The following NALCN variants were observed in gnomAD, a reference collection of about 807,000 sequenced individuals.
NALCN encodes sodium leak channel, non-selective.
NALCN carries 111 observed loss-of-function variants against 225.3 expected under a neutral mutation model. That is an observed-to-expected ratio of 0.49 (90% confidence interval 0.42 to 0.58). The LOEUF (loss-of-function observed/expected upper bound fraction) is 0.58, where lower values mean the gene tolerates loss of function less well. NALCN is among the 20% of genes least tolerant of loss of function. The probability of loss-of-function intolerance (pLI) is 0.00; values close to 1 mark genes in which losing one functional copy is unlikely to be tolerated. For missense variants in NALCN, 1,378 were observed against 2,202.4 expected, an observed-to-expected ratio of 0.63 and a Z score of 7.49; for synonymous variants, 764 against 769.0, an observed-to-expected ratio of 0.99 and a Z score of 0.11.
intron 11 of NALCN, 133 bp from the exon 12 acceptor site, chr13:101,238,055 C>A: frequency 1.5e-6 from 1 of 663,128 alleles, no homozygotes; most frequent in Non-Finnish European, 2.5e-6. Context: ...TCAAGAATGA[C>A]ATTTTACTTT....
chr13:101,088,994 T>C (rs2034074731), intron 30 of NALCN, among the ~76,000 whole-genome samples: 1 of 151,750 alleles, frequency 6.6e-6, no homozygotes, highest in Non-Finnish European at 1.5e-5. Context: ...GCCTTCTAGG[T>C]TCAAACGATT....
At chr13:101,378,057 AT>A (rs1486326430) in intron 4 of NALCN, among the ~76,000 whole-genome samples, 1 of 152,058 alleles carries the variant, frequency 6.6e-6, no homozygotes, top group Non-Finnish European at 1.5e-5. Flanking sequence ...TAGACTTTAA[AT>A]TTTTAAGTTC....
chr13:101,397,520 T>C (rs2047346968), intron 2 of NALCN, among the ~76,000 whole-genome samples: 1 of 151,360 alleles, frequency 6.6e-6, no homozygotes, highest in Non-Finnish European at 1.5e-5. Flanking sequence ...ATATATGTTA[T>C]ATACACATGA....
chr13:101,153,065 T>A (rs959182147), intron 15 of NALCN, among the ~76,000 whole-genome samples: 10 of 152,138 alleles, frequency 6.6e-5, no homozygotes, highest in African/African-American at 2.2e-4. Flanking sequence ...CTCTTTTTTT[T>A]AATTTATAAA....
intron 7 of NALCN, among the ~76,000 whole-genome samples, chr13:101,313,435 C>T (rs1173394215): frequency 6.6e-6 from 1 of 152,000 alleles, no homozygotes; most frequent in African/African-American, 2.4e-5. Flanking sequence ...TGACAAACGG[C>T]TAATATCCAG....
At chr13:101,331,634 T>C (rs2045176148) in intron 7 of NALCN, among the ~76,000 whole-genome samples, 1 of 152,066 alleles carries the variant, frequency 6.6e-6, no homozygotes, top group African/African-American at 2.4e-5. Flanking sequence ...GTTTCCGTTG[T>C]TTAAAAGTGT....
intron 14 of NALCN, chr13:101,180,555 TCTCAACTCAGGGAAA>T (rs1566392196): frequency 6.2e-6 from 1 of 161,478 alleles, no homozygotes; most frequent in Non-Finnish European, 1.4e-5. Context: ...ATGTATTAGC[TCTCAACTCAGGGAAA>T]CTCAGAAAGG....
intron 15 of NALCN, among the ~76,000 whole-genome samples, chr13:101,162,615 T>G (rs1268544128): frequency 1.3e-5 from 2 of 152,216 alleles, no homozygotes; most frequent in Non-Finnish European, 2.9e-5. Flanking sequence ...CGCATAAAAC[T>G]GAAAACTGTC....
At chr13:101,255,981 C>T (rs2042216805) in intron 11 of NALCN, among the ~76,000 whole-genome samples, 1 of 152,124 alleles carries the variant, frequency 6.6e-6, no homozygotes, top group Non-Finnish European at 1.5e-5. Context: ...TCGCTCATTC[C>T]CCGTGACTTT....
At chr13:101,295,784 A>ACAAAGG (rs1415316530) in intron 7 of NALCN, among the ~76,000 whole-genome samples, 2 of 152,244 alleles carry the variant, frequency 1.3e-5, no homozygotes, top group African/African-American at 2.4e-5. Context: ...AGTAACAGTT[A>ACAAAGG]CAAAGGCAAA....
At chr13:101,409,957 G>A (rs1237980727) in intron 1 of NALCN, among the ~76,000 whole-genome samples, 1 of 152,128 alleles carries the variant, frequency 6.6e-6, no homozygotes, top group Non-Finnish European at 1.5e-5. Flanking sequence ...AGGTCATGAG[G>A]CCATGAAGGT....
chr13:101,196,375 T>A (rs773432151), intron 13 of NALCN, among the ~76,000 whole-genome samples: 1 of 152,220 alleles, frequency 6.6e-6, no homozygotes, highest in Non-Finnish European at 1.5e-5. Context: ...CAGAAACCAT[T>A]TGATTCTTAC....
chr13:101,395,027 C>T (rs2047247270), intron 3 of NALCN, among the ~76,000 whole-genome samples, 156 bp downstream of exon 3: 1 of 152,136 alleles, frequency 6.6e-6, no homozygotes, highest in East Asian at 1.9e-4. Context: ...ACAATTTCTC[C>T]CAGTCTCTGG....
At chr13:101,105,617 A>G (rs1011539112) in intron 22 of NALCN, among the ~76,000 whole-genome samples, 1 of 132,366 alleles carries the variant, frequency 7.6e-6, no homozygotes, top group Non-Finnish European at 1.7e-5. Flanking sequence ...ACAGGCAGCC[A>G]ACAGGATAAT....
intron 1 of NALCN, among the ~76,000 whole-genome samples, chr13:101,400,984 A>T (rs1020069702): frequency 6.6e-6 from 1 of 152,142 alleles, no homozygotes; most frequent in Admixed American, 6.5e-5. Context: ...CCATGATTGT[A>T]AGTTTCCTGA....
At chr13:101,280,641 C>T (rs945480350) in intron 10 of NALCN, among the ~76,000 whole-genome samples, 1 of 152,132 alleles carries the variant, frequency 6.6e-6, no homozygotes, top group Non-Finnish European at 1.5e-5. Context: ...GTTTATTTCT[C>T]TATCACGAAC....
intron 40 of NALCN, among the ~76,000 whole-genome samples, chr13:101,063,727 T>C (rs1386590737): frequency 1.4e-5 from 2 of 139,036 alleles, no homozygotes; most frequent in Non-Finnish European, 3.0e-5. Context: ...GATCTGATCC[T>C]TTTTTTTTTT....
chr13:101,226,957 T>C (rs2041167307), intron 13 of NALCN, among the ~76,000 whole-genome samples: 1 of 152,156 alleles, frequency 6.6e-6, no homozygotes, highest in African/African-American at 2.4e-5. Flanking sequence ...GGCTGGAACC[T>C]TTTGTTCAGG....
intron 17 of NALCN, among the ~76,000 whole-genome samples, chr13:101,131,901 T>G (rs569631188): frequency 4.7e-4 from 72 of 152,290 alleles, no homozygotes; most frequent in African/African-American, 1.6e-3. Flanking sequence ...AATTTTTTCT[T>G]GTTGAATTTT....
Sources: allele counts gnomAD v4.1 joint callset (sites outside exome capture counted in the v4.1 genomes callset), GRCh38; gene constraint gnomAD v4.1.1; transcripts MANE v1.5; gene names NCBI Gene and HGNC (gene_info 2026-07-23, HGNC 2026-07-21).